The following SLC41A2 variants were observed in gnomAD, a reference collection of about 807,000 sequenced individuals.
SLC41A2 encodes the protein solute carrier family 41 member 2, also known as SLC41A1-like 1.
In SLC41A2, 32 loss-of-function variants were observed where a neutral mutation model predicts 58.3. The observed-to-expected ratio is 0.55, with a 90% confidence interval of 0.41 to 0.74. The LOEUF (loss-of-function observed/expected upper bound fraction) is 0.74, where lower values mean the gene tolerates loss of function less well. Ranked by LOEUF, SLC41A2 falls within the 30% of genes least tolerant of loss-of-function variation. SLC41A2 has a pLI of 0.00. For missense variants in SLC41A2, 514 were observed against 680.6 expected, an observed-to-expected ratio of 0.76 and a Z score of 2.72; for synonymous variants, 190 against 235.0, an observed-to-expected ratio of 0.81 and a Z score of 1.75.
At chr12:104,856,530 C>G (rs993203729) in intron 8 of SLC41A2, among the ~76,000 whole-genome samples, 2 of 151,950 alleles carry the variant, frequency 1.3e-5, no homozygotes, top group African/African-American at 2.4e-5. Flanking sequence ...GAAGGCAGAG[C>G]ACTATGGGAA....
intron 2 of SLC41A2, among the ~76,000 whole-genome samples, chr12:104,922,490 A>ATC (rs1260610795): frequency 6.6e-6 from 1 of 152,126 alleles, no homozygotes; most frequent in African/African-American, 2.4e-5. Context: ...ATATATATAT[A>ATC]TATCCACCCA....
chr12:104,904,853 G>C (rs1425986626), intron 3 of SLC41A2, among the ~76,000 whole-genome samples: 1 of 152,128 alleles, frequency 6.6e-6, no homozygotes, highest in Non-Finnish European at 1.5e-5. Flanking sequence ...TAAAAGCAGC[G>C]TGGACCCAAA....
chr12:104,893,640 T>C (rs1381460338), intron 4 of SLC41A2, among the ~76,000 whole-genome samples: 2 of 152,128 alleles, frequency 1.3e-5, no homozygotes, highest in East Asian at 3.8e-4. Context: ...ATAAAGAAAA[T>C]GTGGTACTTA....
intron 10 of SLC41A2, among the ~76,000 whole-genome samples, chr12:104,839,390 A>C (rs2042324943): frequency 6.6e-6 from 1 of 152,186 alleles, no homozygotes; most frequent in South Asian, 2.1e-4. Context: ...GTTTTTAATC[A>C]AATGAGTAAA....
At chr12:104,805,433 C>A in intron 10 of SLC41A2, 96 bp from the exon 11 acceptor site, 2 of 910,414 alleles carry the variant, frequency 2.2e-6, no homozygotes, top group Admixed American at 2.7e-5. Flanking sequence ...TGGAAGGGAC[C>A]GTATGTGTCT....
intron 1 of SLC41A2, among the ~76,000 whole-genome samples, chr12:104,954,679 T>G (rs1234990817): frequency 2.0e-5 from 3 of 152,224 alleles, no homozygotes. Flanking sequence ...ATTACCAGCC[T>G]CATTCTTCTA....
intron 1 of SLC41A2, among the ~76,000 whole-genome samples, chr12:104,940,359 AG>A (rs1402487353): frequency 7.5e-6 from 1 of 133,896 alleles, no homozygotes; most frequent in Admixed American, 7.5e-5. Flanking sequence ...CCTGGGGGGG[AG>A]GGGGGAGGGA....
chr12:104,867,367 T>A (rs2043518774), intron 6 of SLC41A2, among the ~76,000 whole-genome samples: 2 of 152,214 alleles, frequency 1.3e-5, no homozygotes, highest in South Asian at 4.1e-4. Flanking sequence ...TCCATAACTC[T>A]AATTAATTTA....
chr12:104,895,064 T>C (rs1038909508), intron 4 of SLC41A2, among the ~76,000 whole-genome samples: 3 of 152,208 alleles, frequency 2.0e-5, no homozygotes, highest in Admixed American at 2.0e-4. Context: ...TTTTCATATT[T>C]GTAAAAACTA....
chr12:104,894,565 C>T lies in SLC41A2; in HGVS notation c.735+709G>A, dbSNP rs2045187483. 2.0e-5 allele frequency among the ~76,000 whole-genome samples: 3 copies of T among 152,082 alleles called. No individual in the cohort carries two copies. In the South Asian group the frequency reaches 6.2e-4, roughly 32 times the overall value. The stretch of plus-strand genomic sequence containing the variant: ...AAAAAATGTGCTTTATTTCTTTGTC[C>T]TTGAATTACATTACATGAAATTCTG... On this transcript the variant is annotated intron_variant, in intron 4 of 10. Coordinates refer to ENST00000258538, the MANE Select transcript of SLC41A2 (RefSeq NM_001352171.3).
intron 1 of SLC41A2, among the ~76,000 whole-genome samples, chr12:104,949,576 T>C (rs933178498): frequency 6.6e-6 from 1 of 151,720 alleles, no homozygotes; most frequent in African/African-American, 2.4e-5. Context: ...AACAAAATGA[T>C]GGTGAGCTAA....
rs117759199 is a variant in SLC41A2, at chr12:104,914,734, T to G, written c.556-4972A>C. 2.5e-4 allele frequency among the ~76,000 whole-genome samples: 38 copies of G among 152,348 alleles called. No homozygotes were observed. The East Asian group carries it at 7.1e-3, about 29-fold the overall frequency. The stretch of plus-strand genomic sequence containing the variant: ...TCACTGAAATTCTGACTCTACTACT[T>G]ACTGTGTGATTTGGGCAAAATTATG... On this transcript the variant is annotated intron_variant, in intron 2 of 10. Transcript: ENST00000258538.
intron 1 of SLC41A2, among the ~76,000 whole-genome samples, chr12:104,937,393 T>C (rs1350778840): frequency 6.6e-6 from 1 of 152,210 alleles, no homozygotes; most frequent in Admixed American, 6.5e-5. Flanking sequence ...CGTTTTCTAT[T>C]TTTAGATACA....
At chr12:104,840,789 G>C (rs1335836459) in intron 10 of SLC41A2, among the ~76,000 whole-genome samples, 1 of 152,148 alleles carries the variant, frequency 6.6e-6, no homozygotes, top group Non-Finnish European at 1.5e-5. Context: ...CATGTAAGTA[G>C]TTTTTCTTAA....
chr12:104,932,563 T>C (rs572523329), intron 1 of SLC41A2, among the ~76,000 whole-genome samples: 3 of 145,824 alleles, frequency 2.1e-5, no homozygotes, highest in Admixed American at 7.1e-5. Flanking sequence ...AGGTCAAGGC[T>C]GCAGTGATTT....
chr12:104,920,319 C>A (rs961041426), intron 2 of SLC41A2, among the ~76,000 whole-genome samples: 2 of 151,864 alleles, frequency 1.3e-5, no homozygotes, highest in African/African-American at 4.8e-5. Flanking sequence ...TTATTTATAT[C>A]TACAAAAAGT....
chr12:104,825,937 T>A (rs2041828518), intron 10 of SLC41A2, among the ~76,000 whole-genome samples: 1 of 152,100 alleles, frequency 6.6e-6, no homozygotes, highest in Middle Eastern at 3.2e-3. Context: ...TCTCCAGGTT[T>A]TCTCTGCTTC....
intron 10 of SLC41A2, among the ~76,000 whole-genome samples, chr12:104,834,758 G>T (rs1015918112): frequency 6.6e-6 from 1 of 151,638 alleles, no homozygotes; most frequent in Non-Finnish European, 1.5e-5. Context: ...TATAACTGCT[G>T]TGCAAAAAGG....
At position 104,858,672 on chromosome 12, in the gene SLC41A2, C is replaced by T. The variant is rs74557152; in HGVS notation, c.1255+2619G>A. 8.0e-4 allele frequency among the ~76,000 whole-genome samples: 122 copies of T among 152,176 alleles called. 1 individual carries two copies. The South Asian group carries it at 0.013, about 16-fold the overall frequency. On this transcript the variant is annotated intron_variant, in intron 8 of 10. Coordinates refer to ENST00000258538, the MANE Select transcript of SLC41A2 (RefSeq NM_001352171.3). ...TAAGCTCATAGTGTACCACCATGCC[C>T]GGCTAATTTTTATAATTTTTGTGCA...
Sources: allele counts gnomAD v4.1 joint callset (sites outside exome capture counted in the v4.1 genomes callset), GRCh38; gene constraint gnomAD v4.1.1; transcripts MANE v1.5; gene names NCBI Gene and HGNC (gene_info 2026-07-23, HGNC 2026-07-21).